Variants in SIPA1L1 observed in about 807,000 individuals in gnomAD.
SIPA1L1 encodes signal-induced proliferation-associated 1-like protein 1.
In SIPA1L1, 26 loss-of-function variants were observed where a neutral mutation model predicts 162.7. The observed-to-expected ratio is 0.16, with a 90% CI of 0.12 to 0.22. The LOEUF is 0.22. Among genes scored for constraint, SIPA1L1 ranks in the 10% least tolerant of loss-of-function variants. The pLI, the probability that SIPA1L1 is intolerant of heterozygous loss-of-function variation, is 1.00. For synonymous variants in SIPA1L1, 829 were observed against 837.4 expected (o/e 0.99, Z 0.17); for missense variants, 1,874 against 2,241.0 (o/e 0.84, Z 3.31).
rs1323856367 is a variant in SIPA1L1, at chr14:71,671,488, C to G, written c.2625C>G (p.Asp875Glu). 1 of 1,614,142 alleles carries G rather than the reference C, an allele frequency of 6.2e-7. No individual in the cohort carries two copies. Among genetic ancestry groups the G allele is most frequent in the South Asian group, 1.1e-5 (1 of 91,076 alleles). Residue 875 changes from aspartate to glutamate, a missense_variant, in exon 11 of 24, where the codon GAC (aspartate) becomes GAG (glutamate). Transcript: ENST00000381232. ...AEDYNKAMEL[D>E]CLLGISNEFI... Reference sequence around the variant, plus strand: ...ACTACAACAAGGCCATGGAACTAGACTGCCTTTTAGGGATCTCCAATGAGT... The same window carrying G: ...ACTACAACAAGGCCATGGAACTAGAGTGCCTTTTAGGGATCTCCAATGAGT...
intron 4 of SIPA1L1, among the ~76,000 whole-genome samples, chr14:71,565,608 A>G (rs957382013): frequency 1.3e-5 from 2 of 152,202 alleles, no homozygotes; most frequent in Non-Finnish European, 2.9e-5. Context: ...ATTATATGCA[A>G]TAGTCATTTG....
chr14:71,531,520 T>C (rs531441738), intron 4 of SIPA1L1, among the ~76,000 whole-genome samples: 2 of 152,202 alleles, frequency 1.3e-5, no homozygotes, highest in Admixed American at 1.3e-4. Context: ...TCTATCTTGT[T>C]CTTGTGTGAA....
intron 2 of SIPA1L1, among the ~76,000 whole-genome samples, chr14:71,367,393 G>T (rs552746671): frequency 2.0e-5 from 3 of 146,608 alleles, no homozygotes. Context: ...TGTAAACTCC[G>T]CCTCCCGGGT....
intron 2 of SIPA1L1, among the ~76,000 whole-genome samples, chr14:71,407,364 G>C (rs1416194035): frequency 6.6e-6 from 1 of 152,108 alleles, no homozygotes; most frequent in Non-Finnish European, 1.5e-5. Context: ...GCTGCAACAC[G>C]AAGTTTGCAT....
rs1414768494 is a variant in SIPA1L1, at chr14:71,446,896, TTTTTTTTTTG to T, written c.-464-65837_-464-65828del. 2.4e-3 allele frequency among the ~76,000 whole-genome samples: 220 copies of T among 91,258 alleles called. 5 individuals carry two copies. Among genetic ancestry groups the T allele is most frequent in the African/African-American group, 0.01 (204 of 20,048 alleles). 59.9% of individuals were successfully genotyped at this position (91,258 alleles called of 152,430 possible). A position where few individuals can be genotyped will look rare whatever the true frequency, so the allele number is the denominator to read the frequency against. On this transcript the variant is annotated intron_variant, in intron 2 of 23. Coordinates refer to ENST00000381232, the MANE Select transcript of SIPA1L1 (RefSeq NM_001386936.1). Reference sequence around the variant, plus strand: ...GCAAATAAAGAGAGATGGGCTCTGTTTTTTTTTTTGTTTTTTTTTTTTTTTTTTTTTTTGA... The same window carrying T: ...GCAAATAAAGAGAGATGGGCTCTGTTTTTTTTTTTTTTTTTTTTTTTTTGA...
intron 12 of SIPA1L1, among the ~76,000 whole-genome samples, chr14:71,678,508 A>C (rs1181163983): frequency 6.6e-6 from 1 of 152,166 alleles, no homozygotes; most frequent in African/African-American, 2.4e-5. Context: ...ATCATGGTGG[A>C]TAAGCTTTTT....
chr14:71,526,013 A>G lies in SIPA1L1; in HGVS notation c.-361-3299A>G, dbSNP rs981930031. Reference sequence around the variant, plus strand: ...AGTCCTACATGAAACTTGGAAGAGGAGTTTAGTTGCAATGCAGACATCACA... The same window carrying G: ...AGTCCTACATGAAACTTGGAAGAGGGGTTTAGTTGCAATGCAGACATCACA... On this transcript the variant is annotated intron_variant, in intron 3 of 23. Coordinates refer to ENST00000381232, the MANE Select transcript of SIPA1L1 (RefSeq NM_001386936.1). Among the ~76,000 whole-genome samples, 14 of 152,090 alleles carry G rather than the reference A, an allele frequency of 9.2e-5. 1 individual carries two copies. Among genetic ancestry groups the G allele is most frequent in the Admixed American group, 9.2e-4 (14 of 15,258 alleles).
At chr14:71,511,755 G>T (rs996974814) in intron 2 of SIPA1L1, among the ~76,000 whole-genome samples, 1 of 152,126 alleles carries the variant, frequency 6.6e-6, no homozygotes, top group African/African-American at 2.4e-5. Flanking sequence ...TGGTTTCCTG[G>T]GTAATCAGTC....
chr14:71,724,682 C>T lies in SIPA1L1; in HGVS notation c.4461C>T (p.Ser1487=), dbSNP rs775798789. 24 of 1,612,932 alleles carry T rather than the reference C, an allele frequency of 1.5e-5. No homozygotes were observed. Among genetic ancestry groups the T allele is most frequent in the Admixed American group, 5.0e-5 (3 of 59,706 alleles). Residue 1487 remains serine, a synonymous_variant, in exon 19 of 24, where the codon AGC becomes AGT. Coordinates refer to ENST00000381232, the MANE Select transcript of SIPA1L1 (RefSeq NM_001386936.1). ...GFMDTRKRHQ[S]DGNEIAHTRL... ...CTTTTTTGTCCAGGCGTCATCAGAG[C>T]GATGGCAATGAAATAGCCCACACCA... is the stretch of plus-strand genomic sequence containing the variant.
At chr14:71,683,623 G>T (rs2046005787) in intron 12 of SIPA1L1, among the ~76,000 whole-genome samples, 1 of 152,126 alleles carries the variant, frequency 6.6e-6, no homozygotes, top group African/African-American at 2.4e-5. Context: ...AACCAAAAAA[G>T]GGTTGCAGTG....
intron 2 of SIPA1L1, among the ~76,000 whole-genome samples, chr14:71,366,209 A>C (rs924778342): frequency 6.6e-6 from 1 of 152,054 alleles, no homozygotes; most frequent in Non-Finnish European, 1.5e-5. Context: ...GTGGAGTTTG[A>C]CTTATCATGA....
intron 3 of SIPA1L1, among the ~76,000 whole-genome samples, chr14:71,517,916 G>T (rs1159494078): frequency 3.3e-5 from 5 of 151,898 alleles, no homozygotes. Context: ...TTTAATTTGT[G>T]GCTTATCTTT....
chr14:71,401,183 G>A (rs148028318), intron 2 of SIPA1L1, among the ~76,000 whole-genome samples: 2 of 152,282 alleles, frequency 1.3e-5, no homozygotes, highest in East Asian at 3.9e-4. Context: ...TCAGATTACT[G>A]TTAATCTGCT....
intron 4 of SIPA1L1, among the ~76,000 whole-genome samples, chr14:71,546,601 C>T (rs1264601928): frequency 6.6e-6 from 1 of 152,034 alleles, no homozygotes; most frequent in Non-Finnish European, 1.5e-5. Flanking sequence ...AGGCTTGTCT[C>T]GAACTCCTGA....
chr14:71,723,955 G>T, intron 18 of SIPA1L1, 69 bp downstream of exon 18: 3 of 1,585,726 alleles, frequency 1.9e-6, no homozygotes, highest in Non-Finnish European at 2.6e-6. Flanking sequence ...AAAGCTTGGC[G>T]TGATCTCTTA....
chr14:71,673,814 G>C (rs924744482), intron 12 of SIPA1L1, among the ~76,000 whole-genome samples: 1 of 152,154 alleles, frequency 6.6e-6, no homozygotes, highest in Admixed American at 6.5e-5. Flanking sequence ...TAAATATTCA[G>C]AAACTGCCCT....
intron 12 of SIPA1L1, among the ~76,000 whole-genome samples, chr14:71,674,129 C>T (rs145639623): frequency 6.6e-6 from 1 of 152,306 alleles, no homozygotes; most frequent in Non-Finnish European, 1.5e-5. Flanking sequence ...TAATTACCTA[C>T]AGTAAAGAGT....
intron 2 of SIPA1L1, among the ~76,000 whole-genome samples, chr14:71,386,941 T>C (rs1312048959): frequency 6.6e-6 from 1 of 151,954 alleles, no homozygotes; most frequent in Non-Finnish European, 1.5e-5. Context: ...CCCTTAGTTA[T>C]GGATAGATAT....
At chr14:71,726,495 C>T (rs2084253577) in intron 19 of SIPA1L1, among the ~76,000 whole-genome samples, 1 of 152,202 alleles carries the variant, frequency 6.6e-6, no homozygotes, top group African/African-American at 2.4e-5. Context: ...TCAGAGCCTT[C>T]ATTCTTTTGA....
Sources: gnomAD v4.1 joint callset for allele counts (sites outside exome capture counted in the v4.1 genomes callset) on GRCh38, gnomAD v4.1.1 for gene constraint, MANE v1.5 for transcripts, NCBI Gene and HGNC (gene_info 2026-07-23, HGNC 2026-07-21) for gene names.